The following PCDH15 variants were observed in gnomAD, a reference collection of about 807,000 sequenced individuals.
The protein encoded by PCDH15 is protocadherin-15.
Under a neutral mutation model 178.5 loss-of-function variants are expected in PCDH15, and 129 were observed. That is an observed-to-expected ratio of 0.72 (90% CI 0.63 to 0.84). The LOEUF is 0.84. PCDH15 is among the 40% of genes least tolerant of loss of function. PCDH15 has a pLI of 0.00. For synonymous variants in PCDH15, 800 were observed against 732.0 expected, an observed-to-expected ratio of 1.09 and a Z score of -1.50; for missense variants, 2,230 against 2,099.9, an observed-to-expected ratio of 1.06 and a Z score of -1.21.
intron 2 of PCDH15, among the ~76,000 whole-genome samples, chr10:55,076,458 T>TC (rs1276551551): frequency 6.6e-6 from 1 of 151,150 alleles, no homozygotes; most frequent in Non-Finnish European, 1.5e-5. Context: ...TCTTGGTGAC[T>TC]CTTTTTTTTT....
At chr10:54,998,128 T>C (rs1430728119) in intron 2 of PCDH15, among the ~76,000 whole-genome samples, 1 of 152,164 alleles carries the variant, frequency 6.6e-6, no homozygotes, top group Non-Finnish European at 1.5e-5. Context: ...AATAATTTTG[T>C]CTAATTCACA....
intron 7 of PCDH15, among the ~76,000 whole-genome samples, chr10:54,323,086 C>T (rs1427666216): frequency 2.0e-5 from 3 of 152,032 alleles, no homozygotes; most frequent in Non-Finnish European, 4.4e-5. Flanking sequence ...ATAAGACATA[C>T]ATGCAGCCAA....
intron 13 of PCDH15, among the ~76,000 whole-genome samples, chr10:54,169,217 G>A (rs866974019): frequency 0.016 from 1,721 of 106,446 alleles, 79 homozygotes; most frequent in African/African-American, 0.065. Flanking sequence ...TCGGCTTAGC[G>A]GCTGAAGACT....
At chr10:53,975,551 ATGTT>A (rs758568872) in intron 21 of PCDH15, among the ~76,000 whole-genome samples, 1 of 151,862 alleles carries the variant, frequency 6.6e-6, no homozygotes, top group Non-Finnish European at 1.5e-5. Flanking sequence ...ATTTTTTCTT[ATGTT>A]TGTTAGTTGC....
At chr10:55,197,792 G>T (rs1166504873) in intron 1 of PCDH15, among the ~76,000 whole-genome samples, 1 of 152,058 alleles carries the variant, frequency 6.6e-6, no homozygotes, top group Non-Finnish European at 1.5e-5. Flanking sequence ...TGAGCTAGAA[G>T]TTATAATACA....
At chr10:54,540,922 A>G (rs2085139938) in intron 2 of PCDH15, among the ~76,000 whole-genome samples, 1 of 152,214 alleles carries the variant, frequency 6.6e-6, no homozygotes, top group Non-Finnish European at 1.5e-5. Flanking sequence ...CGATAATCCC[A>G]GTAGATGCAG....
intron 2 of PCDH15, among the ~76,000 whole-genome samples, chr10:55,114,875 C>T (rs984662891): frequency 6.6e-6 from 1 of 152,084 alleles, no homozygotes; most frequent in African/African-American, 2.4e-5. Context: ...TCTGTCATTG[C>T]AATTTATTAT....
rs371219741 is a variant in PCDH15, at chr10:54,429,131, TAGAC to T, written c.158-50193_158-50190del. On this transcript the variant is annotated intron_variant, in intron 3 of 37. Coordinates refer to ENST00000644397, the MANE Select transcript of PCDH15 (RefSeq NM_001384140.1). ...ATAACTACAATAACTTTTCAAAACA[TAGAC>T]AGTATAATAGGACATCAAGAGAAAG... is the stretch of plus-strand genomic sequence containing the variant. Among the ~76,000 whole-genome samples, 1,226 of 152,206 alleles carry T rather than the reference TAGAC, an allele frequency of 8.1e-3. 17 individuals are homozygous for T. Among genetic ancestry groups the T allele is most frequent in the African/African-American group, 0.028 (1,149 of 41,526 alleles).
At chr10:53,937,574 A>G (rs2085687496) in intron 25 of PCDH15, among the ~76,000 whole-genome samples, 1 of 152,170 alleles carries the variant, frequency 6.6e-6, no homozygotes, top group Non-Finnish European at 1.5e-5. Flanking sequence ...GGACAATTCA[A>G]TTCCTTTAAT....
chr10:55,235,431 T>C (rs1191162346), intron 1 of PCDH15, among the ~76,000 whole-genome samples: 1 of 152,148 alleles, frequency 6.6e-6, no homozygotes, highest in Non-Finnish European at 1.5e-5. Flanking sequence ...ACCTTAAAAA[T>C]CTTTTATTTG....
rs558108101 is a variant in PCDH15 at position 54,338,591 on chromosome 10, T to C, written c.594+7774A>G. On this transcript the variant is annotated intron_variant, in intron 6 of 37. Coordinates refer to ENST00000644397, the MANE Select transcript of PCDH15 (RefSeq NM_001384140.1). ...CAAAGCTACGGGGAGTCAAACATAT[T>C]ACAAAAGAAGGACAATTTACTCAGG... is the stretch of plus-strand genomic sequence containing the variant. Among the ~76,000 whole-genome samples the C allele has an allele frequency of 1.1e-4, 16 of 152,304 alleles. No individual in the cohort carries two copies. In the South Asian group the frequency reaches 3.3e-3, roughly 32 times the overall value.
At chr10:55,590,769 G>T (rs903984252) in intron 2 of PCDH15, among the ~76,000 whole-genome samples, 4 of 151,974 alleles carry the variant, frequency 2.6e-5, no homozygotes, top group Non-Finnish European at 5.9e-5. Context: ...CTGGTCATAT[G>T]GTATATCATC....
chr10:55,007,715 G>A (rs368876970), intron 2 of PCDH15, among the ~76,000 whole-genome samples: 1 of 152,022 alleles, frequency 6.6e-6, no homozygotes, highest in African/African-American at 2.4e-5. Flanking sequence ...ATTGACTTCT[G>A]GCTTGAAGGA....
intron 13 of PCDH15, among the ~76,000 whole-genome samples, chr10:54,178,206 T>C (rs1238510322): frequency 3.3e-5 from 5 of 152,040 alleles, no homozygotes; most frequent in African/African-American, 7.2e-5. Context: ...CATGTAGAAA[T>C]AGACTGATGG....
chr10:54,124,691 G>A (rs527789492), intron 15 of PCDH15, among the ~76,000 whole-genome samples: 52 of 152,228 alleles, frequency 3.4e-4, no homozygotes, highest in African/African-American at 7.7e-4. Context: ...TATGATTCAC[G>A]CACACTGTAC....
chr10:54,504,227 G>A (rs1164588001), intron 3 of PCDH15, among the ~76,000 whole-genome samples: 2 of 152,090 alleles, frequency 1.3e-5, no homozygotes, highest in Non-Finnish European at 2.9e-5. Flanking sequence ...TGAAATAAAT[G>A]ACTATATAGG....
At chr10:54,868,413 C>T (rs1953975812) in intron 3 of PCDH15, among the ~76,000 whole-genome samples, 1 of 152,142 alleles carries the variant, frequency 6.6e-6, no homozygotes. Flanking sequence ...CCTCATTCCA[C>T]ATTCCTTGAA....
chr10:54,866,876 C>A (rs1198204712), intron 3 of PCDH15, among the ~76,000 whole-genome samples: 1 of 152,088 alleles, frequency 6.6e-6, no homozygotes, highest in African/African-American at 2.4e-5. Context: ...TCTTTGCTGT[C>A]AAATTTTATT....
chr10:55,260,108 T>A (rs768359241), intron 1 of PCDH15, among the ~76,000 whole-genome samples: 1 of 150,970 alleles, frequency 6.6e-6, no homozygotes, highest in Non-Finnish European at 1.5e-5. Flanking sequence ...AGTGAAACAT[T>A]GTGGGGTCCA....
Sources: gnomAD v4.1 joint callset for allele counts (sites outside exome capture counted in the v4.1 genomes callset) on GRCh38, gnomAD v4.1.1 for gene constraint, MANE v1.5 for transcripts, NCBI Gene and HGNC (gene_info 2026-07-23, HGNC 2026-07-21) for gene names.